RHAG: variants seen among roughly 807,000 people sequenced by gnomAD.
RHAG encodes Rh associated glycoprotein.
In RHAG, 25 loss-of-function variants were observed where a neutral mutation model predicts 42.4. That is an observed-to-expected ratio of 0.59 (90% CI 0.43 to 0.82). The LOEUF (loss-of-function observed/expected upper bound fraction) is 0.82. Ranked by LOEUF, RHAG falls within the 40% of genes least tolerant of loss-of-function variation. The pLI is 0.00. For synonymous variants in RHAG, 182 were observed against 177.7 expected (o/e 1.02, Z -0.19); for missense variants, 483 against 504.6 (o/e 0.96, Z 0.41).
chr6:49,628,028 T>C (rs1762868391), intron 1 of RHAG, among the ~76,000 whole-genome samples: 1 of 151,946 alleles, frequency 6.6e-6, no homozygotes, highest in Non-Finnish European at 1.5e-5. Context: ...AGAAACAAAA[T>C]GAAACAAAAC....
intron 7 of RHAG, among the ~76,000 whole-genome samples, chr6:49,608,461 T>C (rs1762512912): frequency 7.0e-6 from 1 of 143,608 alleles, no homozygotes; most frequent in South Asian, 2.1e-4. Context: ...CTCACTGCTG[T>C]CTCCTCCCCG....
chr6:49,632,889 T>C (rs151281015), intron 1 of RHAG, among the ~76,000 whole-genome samples: 69 of 152,290 alleles, frequency 4.5e-4, no homozygotes, highest in African/African-American at 1.6e-3. Flanking sequence ...TGTTAAATTA[T>C]TTGACTCAAC....
At chr6:49,636,507 G>A in intron 1 of RHAG, 149 bp downstream of exon 1, 1 of 845,446 alleles carries the variant, frequency 1.2e-6, no homozygotes, top group South Asian at 1.5e-5. Flanking sequence ...AAGACCAGAT[G>A]TCACATCACA....
At chr6:49,618,466 G>A (rs1762693587) in intron 2 of RHAG, among the ~76,000 whole-genome samples, 1 of 152,064 alleles carries the variant, frequency 6.6e-6, no homozygotes, top group Non-Finnish European at 1.5e-5. Flanking sequence ...ATTATTTCCT[G>A]GGGTGTGTGT....
chr6:49,629,061 T>G (rs1762891171), intron 1 of RHAG, among the ~76,000 whole-genome samples: 1 of 152,154 alleles, frequency 6.6e-6, no homozygotes, highest in Non-Finnish European at 1.5e-5. Context: ...ATCCCTGAGC[T>G]AGATACAAAG....
At chr6:49,635,012 G>T (rs1384576713) in intron 1 of RHAG, among the ~76,000 whole-genome samples, 1 of 146,270 alleles carries the variant, frequency 6.8e-6, no homozygotes, top group Non-Finnish European at 1.5e-5. Flanking sequence ...GGGGGGTGGG[G>T]CGAGGGGTGA....
chr6:49,629,931 C>T (rs940046834), intron 1 of RHAG, among the ~76,000 whole-genome samples: 3 of 152,190 alleles, frequency 2.0e-5, no homozygotes, highest in Non-Finnish European at 4.4e-5. Context: ...GCGCCTCTCC[C>T]TCCACACCTC....
At chr6:49,627,120 G>C (rs900922644) in intron 1 of RHAG, among the ~76,000 whole-genome samples, 1 of 152,222 alleles carries the variant, frequency 6.6e-6, no homozygotes, top group African/African-American at 2.4e-5. Context: ...TTGGTGATGA[G>C]GGAACATTTG....
At chr6:49,624,123 T>C (rs540930191) in intron 1 of RHAG, among the ~76,000 whole-genome samples, 3 of 152,366 alleles carry the variant, frequency 2.0e-5, no homozygotes, top group Non-Finnish European at 4.4e-5. Flanking sequence ...ATTAGAATCC[T>C]ACACTGTTCT....
At chr6:49,620,901 A>G (rs556261728) in intron 1 of RHAG, among the ~76,000 whole-genome samples, 35 of 152,266 alleles carry the variant, frequency 2.3e-4, no homozygotes, top group African/African-American at 7.9e-4. Flanking sequence ...ATGAGGGAGG[A>G]TGTGCCTGGA....
intron 5 of RHAG, among the ~76,000 whole-genome samples, chr6:49,613,411 C>G (rs1219531804): frequency 6.6e-6 from 1 of 152,114 alleles, no homozygotes; most frequent in Non-Finnish European, 1.5e-5. Flanking sequence ...AGAAAAGTTG[C>G]AGTCTGGCTA....
At chr6:49,636,037 TTC>T (rs1382634793) in intron 1 of RHAG, among the ~76,000 whole-genome samples, 1 of 152,124 alleles carries the variant, frequency 6.6e-6, no homozygotes, top group Non-Finnish European at 1.5e-5. Flanking sequence ...TGAATTAAAT[TTC>T]TCTCTTTGCT....
intron 6 of RHAG, among the ~76,000 whole-genome samples, chr6:49,611,892 C>G (rs1042869807): frequency 1.1e-4 from 16 of 151,872 alleles, no homozygotes; most frequent in African/African-American, 3.6e-4. Context: ...CAGGTACCCG[C>G]CACCATGCCC....
intron 1 of RHAG, among the ~76,000 whole-genome samples, chr6:49,627,534 C>A (rs1275014666): frequency 6.6e-6 from 1 of 152,192 alleles, no homozygotes; most frequent in East Asian, 1.9e-4. Flanking sequence ...TACCCATTTC[C>A]AAAGTTGCTT....
At chr6:49,632,178 A>G (rs1223774799) in intron 1 of RHAG, 1 of 152,210 alleles carries the variant, frequency 6.6e-6, no homozygotes, top group Non-Finnish European at 1.5e-5. Context: ...ATACAAATAT[A>G]TGTAAAGCAC....
chr6:49,624,200 TATTA>T (rs1439384203), intron 1 of RHAG, among the ~76,000 whole-genome samples: 2 of 152,208 alleles, frequency 1.3e-5, no homozygotes, highest in African/African-American at 2.4e-5. Context: ...TTATTATTTT[TATTA>T]ATTAATTAAT....
chr6:49,614,196 T>C (rs908893883), intron 5 of RHAG, among the ~76,000 whole-genome samples: 1 of 151,946 alleles, frequency 6.6e-6, no homozygotes, highest in Non-Finnish European at 1.5e-5. Flanking sequence ...TTTTTTCTTT[T>C]TTTTTTTCTT....
At position 49,614,813 on chromosome 6, in the gene RHAG, C is replaced by A. The variant is rs377601622; in HGVS notation, c.681G>T (p.Ser227=). 9 of 1,613,988 alleles carry A rather than the reference C, an allele frequency of 5.6e-6. No individual in the cohort carries two copies. The Admixed American group carries it at 1.3e-4, about 24-fold the overall frequency. ...FLWMFWPSFN[S]AIAEPGDKQC... ...GTTTGTCTCCAGGTTCAGCAATGGC[C>A]GAGTTAAAGCTGGGCCAAAACATCC... The change falls in exon 5 of 10, where the codon TCG becomes TCT. Residue 227 remains serine (S), a synonymous_variant. Transcript: ENST00000371175.
chr6:49,633,166 A>T (rs890320727), intron 1 of RHAG, among the ~76,000 whole-genome samples: 1 of 152,208 alleles, frequency 6.6e-6, no homozygotes, highest in Non-Finnish European at 1.5e-5. Context: ...ATGTAGATTA[A>T]TATACAATTT....
Sources: allele counts gnomAD v4.1 joint callset (sites outside exome capture counted in the v4.1 genomes callset), GRCh38; gene constraint gnomAD v4.1.1; transcripts MANE v1.5; gene names NCBI Gene and HGNC (gene_info 2026-07-23, HGNC 2026-07-21).